LDB2: variants seen among roughly 807,000 people sequenced by gnomAD.
LDB2 encodes the protein LIM domain-binding protein 2.
In LDB2, 12 loss-of-function variants were observed where a neutral mutation model predicts 44.3. The ratio of observed to expected loss-of-function variants is 0.27; its 90% CI spans 0.17 to 0.44. The LOEUF (loss-of-function observed/expected upper bound fraction) is 0.44, where lower values mean the gene tolerates loss of function less well. Ranked by LOEUF, LDB2 falls within the 20% of genes least tolerant of loss-of-function variation. The pLI is 1.00. For missense variants in LDB2, 344 were observed against 473.5 expected (o/e 0.73, Z 2.54); for synonymous variants, 164 against 174.8 (o/e 0.94, Z 0.49).
intron 1 of LDB2, among the ~76,000 whole-genome samples, chr4:16,777,488 G>A (rs564076716): frequency 6.6e-6 from 1 of 152,208 alleles, no homozygotes; most frequent in Admixed American, 6.5e-5. Context: ...TGAAGATGAA[G>A]CTGGGGAAGC....
intron 2 of LDB2, among the ~76,000 whole-genome samples, chr4:16,681,618 CTTTTTTTTTTTTT>C (rs536589787): frequency 1.6e-5 from 1 of 61,670 alleles, no homozygotes. Context: ...GTATTCTATT[CTTTTTTTTTTTTT>C]TTTTTTTTTT....
chr4:16,798,941 C>G (rs553873908), intron 1 of LDB2, among the ~76,000 whole-genome samples: 1 of 152,160 alleles, frequency 6.6e-6, no homozygotes, highest in African/African-American at 2.4e-5. Flanking sequence ...AACTCCGCCT[C>G]CCGGGTTCAC....
intron 2 of LDB2, among the ~76,000 whole-genome samples, chr4:16,741,177 G>C (rs988922268): frequency 6.6e-6 from 1 of 152,200 alleles, no homozygotes. Context: ...GCAGATCGTC[G>C]CATTTTGGAA....
chr4:16,555,493 A>G (rs762542967), intron 5 of LDB2, among the ~76,000 whole-genome samples: 4 of 152,230 alleles, frequency 2.6e-5, no homozygotes, highest in Admixed American at 6.5e-5. Context: ...GCATGCACAT[A>G]CTAAATACAT....
In LDB2 at chr4:16,710,620, C is replaced by A. The variant is rs1354506425; in HGVS notation, c.235+48538G>T. 5.9e-5 allele frequency among the ~76,000 whole-genome samples: 9 copies of A among 152,254 alleles called. No homozygotes were observed. In the East Asian group the frequency reaches 1.5e-3, roughly 26 times the overall value. On this transcript the variant is annotated intron_variant, in intron 2 of 7. Transcript: ENST00000304523. ...AGTAGAAAGCAACTTGAGAAAGCCA[C>A]CCCTGTGTAGTCAACAGGAAGGTTT...
chr4:16,654,956 G>C (rs542063547), intron 2 of LDB2, among the ~76,000 whole-genome samples: 1 of 151,756 alleles, frequency 6.6e-6, no homozygotes, highest in Admixed American at 6.6e-5. Context: ...TAATGTCCAC[G>C]AAACCATTGA....
chr4:16,578,063 T>C (rs1333679039), intron 5 of LDB2, among the ~76,000 whole-genome samples: 1 of 151,984 alleles, frequency 6.6e-6, no homozygotes, highest in Non-Finnish European at 1.5e-5. Flanking sequence ...AAAAATCAAA[T>C]AAAAATGGAT....
chr4:16,792,648 T>C (rs1396565960), intron 1 of LDB2, among the ~76,000 whole-genome samples: 2 of 152,280 alleles, frequency 1.3e-5, no homozygotes, highest in East Asian at 3.9e-4. Flanking sequence ...CCCATAGACA[T>C]TACCCTGCCA....
chr4:16,716,119 A>G (rs552187591), intron 2 of LDB2, among the ~76,000 whole-genome samples: 1 of 152,318 alleles, frequency 6.6e-6, no homozygotes, highest in East Asian at 1.9e-4. Context: ...AACAATCATA[A>G]AGAAATGTTT....
chr4:16,541,887 A>C lies in LDB2; in HGVS notation c.616-29783T>G, dbSNP rs182111643. On this transcript the variant is annotated intron_variant, in intron 5 of 7. Coordinates refer to ENST00000304523, the MANE Select transcript of LDB2 (RefSeq NM_001290.5). ...AATGTGTGGGGAGTCTCTATTGAAA[A>C]GGTTTTTTTTCTAGAGGAATGAAAA... Among the ~76,000 whole-genome samples, 1,200 of 151,080 alleles carry C rather than the reference A, an allele frequency of 7.9e-3. 27 individuals are homozygous for C. The highest frequency in any genetic ancestry group is 0.028 in the African/African-American group (1,143 of 41,464).
At chr4:16,854,671 T>C (rs1788973286) in intron 1 of LDB2, among the ~76,000 whole-genome samples, 1 of 150,382 alleles carries the variant, frequency 6.6e-6, no homozygotes, top group African/African-American at 2.4e-5. Flanking sequence ...CGTCTATATA[T>C]ATGTTATATA....
intron 2 of LDB2, chr4:16,674,200 C>G: frequency 7.9e-7 from 1 of 1,271,032 alleles, no homozygotes; most frequent in Non-Finnish European, 1.0e-6. Flanking sequence ...AATGAGGTAC[C>G]TTTGGTCAAA....
chr4:16,508,959 T>C (rs892955280), intron 6 of LDB2, among the ~76,000 whole-genome samples: 1 of 152,188 alleles, frequency 6.6e-6, no homozygotes, highest in Non-Finnish European at 1.5e-5. Context: ...TGTAAAAATA[T>C]TTTTTAGGTA....
intron 1 of LDB2, among the ~76,000 whole-genome samples, chr4:16,761,088 C>T (rs759928604): frequency 4.6e-5 from 7 of 151,918 alleles, no homozygotes; most frequent in Non-Finnish European, 7.4e-5. Flanking sequence ...TATCTCCCAA[C>T]CCCCAGAACA....
At chr4:16,552,732 A>G (rs1368132714) in intron 5 of LDB2, among the ~76,000 whole-genome samples, 1 of 152,230 alleles carries the variant, frequency 6.6e-6, no homozygotes, top group Non-Finnish European at 1.5e-5. Context: ...CTGTCAACAA[A>G]TACCTTTCTA....
intron 7 of LDB2, chr4:16,503,245 A>G: frequency 9.4e-7 from 1 of 1,066,124 alleles, no homozygotes; most frequent in Non-Finnish European, 1.3e-6. Context: ...GCTTCTCAAT[A>G]CCTCCAAAAA....
At position 16,668,396 on chromosome 4, in the gene LDB2, T is replaced by C. The variant is rs192890377; in HGVS notation, c.236-72521A>G. Among the ~76,000 whole-genome samples the C allele has an allele frequency of 2.0e-5, 3 of 152,262 alleles. 1 individual carries two copies. The East Asian group carries it at 5.8e-4, about 30-fold the overall frequency. ...CTGGGGCGACATAGCACAAGGTGAA[T>C]CCCTCTCCGTGATAGCTCTCAGTCT... On this transcript the variant is annotated intron_variant, in intron 2 of 7. Transcript: ENST00000304523.
At chr4:16,661,620 A>G (rs1741619288) in intron 2 of LDB2, among the ~76,000 whole-genome samples, 1 of 152,098 alleles carries the variant, frequency 6.6e-6, no homozygotes. Flanking sequence ...TATGGCTATA[A>G]CCATTTTTTT....
In LDB2 at chr4:16,847,867, T is replaced by C. The variant is rs184269652; in HGVS notation, c.132+50487A>G. Among the ~76,000 whole-genome samples the C allele has an allele frequency of 1.7e-4, 26 of 152,318 alleles. No individual in the cohort carries two copies. In the East Asian group the frequency reaches 3.5e-3, roughly 20 times the overall value. ...TCCTGACCTCGTGATCCACCCGCCT[T>C]GGCCTCCCAGAGTGCTGGGATTACA... On this transcript the variant is annotated intron_variant, in intron 1 of 7. Transcript: ENST00000304523.
Sources: gnomAD v4.1 joint callset for allele counts (sites outside exome capture counted in the v4.1 genomes callset) on GRCh38, gnomAD v4.1.1 for gene constraint, MANE v1.5 for transcripts, NCBI Gene and HGNC (gene_info 2026-07-23, HGNC 2026-07-21) for gene names.